Variants in LVRN observed in about 807,000 individuals in gnomAD.
LVRN encodes aminopeptidase Q.
LVRN carries 99 observed loss-of-function variants against 111.4 expected under a neutral mutation model. The observed-to-expected ratio is 0.89, with a 90% CI of 0.76 to 1.05. The LOEUF is 1.05. Ranked by LOEUF, LVRN falls within the 50% of genes least tolerant of loss-of-function variation. The pLI is 0.00. For missense variants in LVRN, 1,414 were observed against 1,206.8 expected (o/e 1.17, Z -2.54); for synonymous variants, 488 against 449.5 (o/e 1.09, Z -1.08).
rs10706926 is a variant in LVRN, at chr5:115,982,866, G to GA, written c.696-413dup. On this transcript the variant is annotated intron_variant, in intron 1 of 19. Transcript: ENST00000357872. Reference sequence around the variant, plus strand: ...AAGAAGAGGAGGCATGTGAGAAAAAGAAAAAAAATAGACATTCTTCCCCTG... The same window carrying GA: ...AAGAAGAGGAGGCATGTGAGAAAAAGAAAAAAAAATAGACATTCTTCCCCTG... 2.0e-4 allele frequency among the ~76,000 whole-genome samples: 31 copies of GA among 151,560 alleles called. 1 individual carries two copies. The East Asian group carries it at 2.1e-3, about 10-fold the overall frequency.
intron 1 of LVRN, among the ~76,000 whole-genome samples, chr5:115,969,799 CAA>C (rs35835980): frequency 0.073 from 8,307 of 113,720 alleles, 269 homozygotes; most frequent in Middle Eastern, 0.13. Context: ...GACTCGATCT[CAA>C]AAAAAAAAAA....
At chr5:115,967,055 A>G (rs1753218544) in intron 1 of LVRN, among the ~76,000 whole-genome samples, 1 of 152,158 alleles carries the variant, frequency 6.6e-6, no homozygotes, top group Non-Finnish European at 1.5e-5. Context: ...TGTGAGATAT[A>G]TATGGTTTGC....
At chr5:116,000,028 A>G (rs761841809) in intron 7 of LVRN, 126 bp downstream of exon 7, 3 of 1,048,412 alleles carry the variant, frequency 2.9e-6, no homozygotes, top group Non-Finnish European at 4.1e-6. Flanking sequence ...ATTTTAATTC[A>G]ATACATAGGT....
chr5:116,000,430 T>C lies in LVRN; in HGVS notation c.1516-3T>C. On this transcript the variant is annotated splice_polypyrimidine_tract_variant and splice_region_variant and intron_variant, in intron 7 of 19. Transcript: ENST00000357872. ...AAATAATGGACAGCTTCTTTTGTCC[T>C]AGGGAGCGTCTATGGCCCGGATGCT... 2 of 1,614,132 alleles carry C rather than the reference T, an allele frequency of 1.2e-6. No individual in the cohort carries two copies. The highest frequency in any genetic ancestry group is 1.7e-6 in the Non-Finnish European group (2 of 1,179,950).
At chr5:115,971,367 A>G (rs1275257970) in intron 1 of LVRN, among the ~76,000 whole-genome samples, 1 of 152,196 alleles carries the variant, frequency 6.6e-6, no homozygotes, top group African/African-American at 2.4e-5. Context: ...TTCCTTATAT[A>G]TATCAAGCTT....
At chr5:116,009,237 G>A (rs1225555938) in intron 13 of LVRN, among the ~76,000 whole-genome samples, 1 of 152,058 alleles carries the variant, frequency 6.6e-6, no homozygotes, top group Non-Finnish European at 1.5e-5. Context: ...AATATTTTAA[G>A]CCCATTGCTT....
At chr5:115,965,346 A>G (rs966479302) in intron 1 of LVRN, among the ~76,000 whole-genome samples, 12 of 152,196 alleles carry the variant, frequency 7.9e-5, no homozygotes, top group African/African-American at 2.9e-4. Context: ...TAAGGTGATA[A>G]GAGTTCTGGA....
chr5:115,973,236 GAA>G (rs1669375428), intron 1 of LVRN, among the ~76,000 whole-genome samples: 1 of 152,130 alleles, frequency 6.6e-6, no homozygotes, highest in African/African-American at 2.4e-5. Context: ...AGTCAACCTT[GAA>G]TTCTTGAAAT....
chr5:116,006,648 A>C, intron 13 of LVRN, among the ~76,000 whole-genome samples: 1 of 152,164 alleles, frequency 6.6e-6, no homozygotes, highest in Non-Finnish European at 1.5e-5. Flanking sequence ...TGAGCTTCTT[A>C]GGACCAATCA....
intron 6 of LVRN, among the ~76,000 whole-genome samples, chr5:115,997,772 C>G (rs1561562601): frequency 6.6e-6 from 1 of 152,078 alleles, no homozygotes; most frequent in African/African-American, 2.4e-5. Context: ...TATGCAGTAG[C>G]TAGATAGTTT....
chr5:116,006,731 C>T (rs370123606), intron 13 of LVRN, among the ~76,000 whole-genome samples: 1 of 152,108 alleles, frequency 6.6e-6, no homozygotes, highest in Non-Finnish European at 1.5e-5. Context: ...CATTTTATTA[C>T]GTATCTGTAG....
intron 14 of LVRN, among the ~76,000 whole-genome samples, chr5:116,011,893 A>G (rs924602047): frequency 6.6e-6 from 1 of 152,142 alleles, no homozygotes; most frequent in African/African-American, 2.4e-5. Flanking sequence ...AATAGCTTAT[A>G]TTTATTTCAA....
At chr5:115,968,973 GC>G (rs1198216444) in intron 1 of LVRN, among the ~76,000 whole-genome samples, 1 of 152,138 alleles carries the variant, frequency 6.6e-6, no homozygotes, top group Non-Finnish European at 1.5e-5. Context: ...TCAAGCAATA[GC>G]CCAGATGAGG....
rs1747898499 is a variant in LVRN at position 115,987,758 on chromosome 5, T to G, written c.979-55T>G. On this transcript the variant is annotated intron_variant, in intron 3 of 19. Transcript: ENST00000357872. ...AGGGAATTGGAGCAAGCAGACTACC[T>G]CTTTCCAAAATCACTACTGGTTTTC... 15 of 1,572,110 alleles carry G rather than the reference T, an allele frequency of 9.5e-6. No homozygotes were observed. The South Asian group carries it at 1.8e-4, about 19-fold the overall frequency.
intron 10 of LVRN, 127 bp downstream of exon 10, chr5:116,001,366 T>A: frequency 2.7e-6 from 3 of 1,111,680 alleles, no homozygotes; most frequent in Non-Finnish European, 3.9e-6. Context: ...TGTGACTGTG[T>A]ACTAGGGTGA....
chr5:116,026,024 G>C lies in LVRN; in HGVS notation c.2879G>C (p.Arg960Thr). 6.2e-7 allele frequency: 1 copy of C among 1,613,938 alleles called. No homozygotes were observed. The highest frequency in any genetic ancestry group is 8.5e-7 in the Non-Finnish European group (1 of 1,179,880). ...ATGTTGGAGGAACACCAGAGGATCA[G>C]AGTTCATGCCAACTTACAGACAATA... ...SNMLEEHQRI[R>T]VHANLQTIKN... The change falls in exon 20 of 20, where the codon AGA becomes ACA. Residue 960 changes from arginine to threonine, a missense_variant. By Grantham distance (71) the Arg-to-Thr change is moderately conservative (BLOSUM62 -1). Coordinates refer to ENST00000357872, the MANE Select transcript of LVRN (RefSeq NM_173800.5).
intron 2 of LVRN, among the ~76,000 whole-genome samples, chr5:115,983,758 G>C (rs1395601049): frequency 6.6e-6 from 1 of 152,190 alleles, no homozygotes; most frequent in Non-Finnish European, 1.5e-5. Context: ...CTGTGTTTCA[G>C]TTGGCTCATG....
chr5:115,993,981 A>G, intron 6 of LVRN, 127 bp downstream of exon 6: 2 of 514,976 alleles, frequency 3.9e-6, no homozygotes, highest in Non-Finnish European at 6.4e-6. Flanking sequence ...AATACCAAAA[A>G]TAATTTGTGT....
chr5:115,982,315 G>A (rs1370352725), intron 1 of LVRN, among the ~76,000 whole-genome samples: 11 of 152,232 alleles, frequency 7.2e-5, no homozygotes, highest in East Asian at 5.8e-4. Flanking sequence ...AGTAATGGAT[G>A]GCATATACTC....
Sources: gnomAD v4.1 joint callset for allele counts (sites outside exome capture counted in the v4.1 genomes callset) on GRCh38, gnomAD v4.1.1 for gene constraint, MANE v1.5 for transcripts, NCBI Gene and HGNC (gene_info 2026-07-23, HGNC 2026-07-21) for gene names.